The following SYT14 variants were observed in gnomAD, a reference collection of about 807,000 sequenced individuals.
The protein encoded by SYT14 is synaptotagmin-14.
Under a neutral mutation model 74.2 loss-of-function variants are expected in SYT14, and 32 were observed. The ratio of observed to expected loss-of-function variants is 0.43; its 90% CI spans 0.33 to 0.58. The LOEUF is 0.58. Ranked by LOEUF, SYT14 falls within the 20% of genes least tolerant of loss-of-function variation. SYT14 has a pLI of 0.05. For synonymous variants in SYT14, 298 were observed against 337.7 expected (o/e 0.88, Z 1.29); for missense variants, 791 against 981.8 (o/e 0.81, Z 2.60).
intron 7 of SYT14, among the ~76,000 whole-genome samples, chr1:210,102,287 G>A (rs563220895): frequency 1.3e-5 from 2 of 151,978 alleles, no homozygotes; most frequent in South Asian, 2.1e-4. Context: ...ATTGTCTGTC[G>A]TTCTCCTCTA....
rs144823545 is a variant in SYT14 at position 210,077,694 on chromosome 1, C to T, written c.1313-16628C>T. ...TTTTTGAAATGATTGTACCATTGTA[C>T]GTTTCTATCTGCAATTTATGAAAAT... On this transcript the variant is annotated intron_variant, in intron 5 of 9. Coordinates refer to ENST00000637265, the Ensembl canonical transcript of SYT14. Among the ~76,000 whole-genome samples, 459 of 152,168 alleles carry T rather than the reference C, an allele frequency of 3.0e-3. 3 individuals carry two copies. Among genetic ancestry groups the T allele is most frequent in the African/African-American group, 9.9e-3 (412 of 41,514 alleles).
At chr1:210,132,268 C>T (rs963678677) in intron 7 of SYT14, among the ~76,000 whole-genome samples, 7 of 152,102 alleles carry the variant, frequency 4.6e-5, no homozygotes, top group East Asian at 1.9e-4. Flanking sequence ...TCTCTCCCCA[C>T]GCCAAGTCCA....
intron 8 of SYT14, 114 bp from the exon 8 acceptor site, chr1:210,159,307 C>A: frequency 2.0e-6 from 2 of 1,017,248 alleles, no homozygotes; most frequent in East Asian, 2.6e-5. Context: ...GTTTTGTGTT[C>A]TTCCACTCCA....
intron 2 of SYT14, among the ~76,000 whole-genome samples, chr1:209,997,901 T>A (rs918978898): frequency 3.9e-4 from 60 of 152,218 alleles, no homozygotes; most frequent in African/African-American, 1.3e-3. Context: ...ATTTAAGAAT[T>A]CAACATTCTT....
At chr1:210,076,294 AATG>A (rs1231179035) in intron 5 of SYT14, among the ~76,000 whole-genome samples, 14 of 152,226 alleles carry the variant, frequency 9.2e-5, no homozygotes, top group African/African-American at 3.1e-4. Context: ...TATACTCCTG[AATG>A]ACTTGATATG....
At chr1:210,069,844 G>A (rs1029871621) in intron 5 of SYT14, among the ~76,000 whole-genome samples, 2 of 149,086 alleles carry the variant, frequency 1.3e-5, no homozygotes, top group Admixed American at 6.7e-5. Context: ...CCTTTGTCAT[G>A]ATGTGACTTT....
chr1:210,035,603 A>G (rs2080643300), intron 5 of SYT14, among the ~76,000 whole-genome samples: 1 of 151,772 alleles, frequency 6.6e-6, no homozygotes, highest in African/African-American at 2.4e-5. Context: ...GTCATGAGGG[A>G]TAGGGGTCCA....
intron 7 of SYT14, among the ~76,000 whole-genome samples, chr1:210,139,700 TCTGCACATTTTATATGAATCA>T (rs2082876296): frequency 6.6e-6 from 1 of 152,204 alleles, no homozygotes; most frequent in Admixed American, 6.5e-5. Flanking sequence ...TTTTGCCTCT[TCTGCACATTTTATATGAATCA>T]AATCATACAA....
intron 1 of SYT14, among the ~76,000 whole-genome samples, chr1:209,939,254 C>T (rs186575655): frequency 1.1e-3 from 174 of 152,290 alleles, no homozygotes; most frequent in Non-Finnish European, 2.1e-3. Context: ...TAAATTTTCC[C>T]TGTGTGTGTA....
intron 7 of SYT14, among the ~76,000 whole-genome samples, chr1:210,139,472 TGTAA>T (rs767137902): frequency 6.6e-6 from 1 of 152,138 alleles, no homozygotes; most frequent in Non-Finnish European, 1.5e-5. Context: ...ATAGGGATCC[TGTAA>T]GTAATTTTTC....
intron 7 of SYT14, among the ~76,000 whole-genome samples, chr1:210,105,095 T>A (rs1407732790): frequency 2.0e-5 from 3 of 152,128 alleles, no homozygotes; most frequent in African/African-American, 7.2e-5. Context: ...TTGATAGAAG[T>A]GCAGATTCTC....
At chr1:210,151,527 T>A (rs2083163078) in intron 7 of SYT14, among the ~76,000 whole-genome samples, 2 of 144,844 alleles carry the variant, frequency 1.4e-5, no homozygotes, top group Non-Finnish European at 1.5e-5. Context: ...TTTTTTTTTT[T>A]AACTACAGTG....
At chr1:210,092,220 G>A (rs1343904353) in intron 5 of SYT14, among the ~76,000 whole-genome samples, 1 of 152,088 alleles carries the variant, frequency 6.6e-6, no homozygotes, top group Non-Finnish European at 1.5e-5. Context: ...TTGGAGGTAG[G>A]TATTTAGTGA....
In SYT14 at chr1:210,072,513, A is replaced by T. The variant is rs1007450691; in HGVS notation, c.1313-21809A>T. On this transcript the variant is annotated intron_variant, in intron 5 of 9. Transcript: ENST00000637265. ...CCATAGTATTATATTTTTCTACTAAAGTAAGGGAGATGTACATTCTGAATA... is the reference window on the plus strand; with the variant it reads ...CCATAGTATTATATTTTTCTACTAATGTAAGGGAGATGTACATTCTGAATA... Among the ~76,000 whole-genome samples, 3 of 152,144 alleles carry T rather than the reference A, an allele frequency of 2.0e-5. No individual in the cohort carries two copies. In the South Asian group the frequency reaches 6.2e-4, roughly 32 times the overall value.
intron 7 of SYT14, among the ~76,000 whole-genome samples, chr1:210,136,067 T>C (rs2082779039): frequency 6.6e-6 from 1 of 152,172 alleles, no homozygotes; most frequent in Non-Finnish European, 1.5e-5. Flanking sequence ...ACAAATTCAC[T>C]GAAGCCTGAT....
At chr1:209,987,785 A>G (rs2079596697) in intron 2 of SYT14, among the ~76,000 whole-genome samples, 1 of 152,246 alleles carries the variant, frequency 6.6e-6, no homozygotes, top group African/African-American at 2.4e-5. Flanking sequence ...TACTTTAAAG[A>G]TAGTGTGCCA....
intron 7 of SYT14, among the ~76,000 whole-genome samples, chr1:210,107,382 A>G (rs1186885453): frequency 1.3e-5 from 2 of 152,236 alleles, no homozygotes; most frequent in South Asian, 2.1e-4. Flanking sequence ...CAGCCAAACC[A>G]TATCATTCTA....
intron 7 of SYT14, among the ~76,000 whole-genome samples, chr1:210,140,574 T>C (rs2082893342): frequency 6.6e-6 from 1 of 152,136 alleles, no homozygotes. Context: ...TATGAAACCA[T>C]TGCCTAATAT....
intron 8 of SYT14, 124 bp from the exon 8 acceptor site, chr1:210,159,297 G>GT: frequency 1.1e-6 from 1 of 937,722 alleles, no homozygotes; most frequent in Non-Finnish European, 1.7e-6. Context: ...AAATGCTAAA[G>GT]TTTTGTGTTC....
Sources: allele counts gnomAD v4.1 joint callset (sites outside exome capture counted in the v4.1 genomes callset), GRCh38; gene constraint gnomAD v4.1.1; transcripts MANE v1.5; gene names NCBI Gene and HGNC (gene_info 2026-07-23, HGNC 2026-07-21).